ADAMTS6: variants seen among roughly 807,000 people sequenced by gnomAD.
The protein encoded by ADAMTS6 is ADAM metallopeptidase with thrombospondin type 1 motif 6.
ADAMTS6 carries 23 observed loss-of-function variants against 144.3 expected under a neutral mutation model. The ratio of observed to expected loss-of-function variants is 0.16; its 90% CI spans 0.11 to 0.23. The LOEUF (loss-of-function observed/expected upper bound fraction) is 0.23. ADAMTS6 is among the 10% of genes least tolerant of loss of function. ADAMTS6 has a pLI of 1.00. For missense variants in ADAMTS6, 999 were observed against 1,379.6 expected (o/e 0.72, Z 4.37); for synonymous variants, 444 against 457.5 (o/e 0.97, Z 0.38).
intron 12 of ADAMTS6, among the ~76,000 whole-genome samples, chr5:65,268,897 C>G (rs1163189595): frequency 1.3e-5 from 2 of 152,182 alleles, no homozygotes; most frequent in Admixed American, 1.3e-4. Flanking sequence ...ATCACTCGAG[C>G]AGTATTTCTA....
intron 9 of ADAMTS6, among the ~76,000 whole-genome samples, chr5:65,317,341 GGC>G (rs1745105420): frequency 6.6e-6 from 1 of 151,854 alleles, no homozygotes; most frequent in South Asian, 2.1e-4. Flanking sequence ...GCCCAACAAG[GGC>G]AGATATACTT....
chr5:65,338,215 A>C (rs1034024340), intron 7 of ADAMTS6, among the ~76,000 whole-genome samples: 9 of 152,268 alleles, frequency 5.9e-5, no homozygotes, highest in African/African-American at 2.2e-4. Flanking sequence ...TAACGGCTTC[A>C]GATGAAAAAG....
chr5:65,195,016 G>A (rs894986104), intron 21 of ADAMTS6, among the ~76,000 whole-genome samples: 1 of 152,168 alleles, frequency 6.6e-6, no homozygotes, highest in African/African-American at 2.4e-5. Flanking sequence ...AAAAAGCTTA[G>A]GCCAAAATGG....
chr5:65,194,257 A>G (rs908044323), intron 21 of ADAMTS6, among the ~76,000 whole-genome samples: 2 of 152,228 alleles, frequency 1.3e-5, no homozygotes, highest in African/African-American at 4.8e-5. Context: ...CACATTTAGT[A>G]GAAACTACTT....
intron 14 of ADAMTS6, among the ~76,000 whole-genome samples, chr5:65,259,566 G>T (rs1163212396): frequency 6.6e-6 from 1 of 152,168 alleles, no homozygotes; most frequent in Non-Finnish European, 1.5e-5. Context: ...AATCACCTGT[G>T]ACTTAACAAG....
At chr5:65,459,348 C>T (rs1367953008) in intron 4 of ADAMTS6, among the ~76,000 whole-genome samples, 1 of 152,110 alleles carries the variant, frequency 6.6e-6, no homozygotes, top group Non-Finnish European at 1.5e-5. Flanking sequence ...TTCTAGTGCA[C>T]GTAGGATAAA....
At chr5:65,185,980 C>T (rs1309539645) in intron 22 of ADAMTS6, among the ~76,000 whole-genome samples, 2 of 152,170 alleles carry the variant, frequency 1.3e-5, no homozygotes, top group Non-Finnish European at 2.9e-5. Context: ...AGAAATTTCT[C>T]AGAAGGCATT....
At chr5:65,286,703 T>G (rs888031887) in intron 11 of ADAMTS6, among the ~76,000 whole-genome samples, 1 of 152,186 alleles carries the variant, frequency 6.6e-6, no homozygotes, top group Non-Finnish European at 1.5e-5. Flanking sequence ...TAATTGAGAT[T>G]TGATTTAAGT....
rs534725186 is a variant in ADAMTS6 at position 65,303,571 on chromosome 5, AAATT to A, written c.1224-3444_1224-3441del. Among the ~76,000 whole-genome samples, 151 of 152,130 alleles carry A rather than the reference AAATT, an allele frequency of 9.9e-4. 1 individual carries two copies. The highest frequency in any genetic ancestry group is 3.5e-3 in the African/African-American group (146 of 41,580). ...AAATTTTCTTTCTGATCATAGAAAC[AAATT>A]AATAAACTTTCATATACATGTTTTT... On this transcript the variant is annotated intron_variant, in intron 9 of 24. Coordinates refer to ENST00000381055, the MANE Select transcript of ADAMTS6 (RefSeq NM_197941.4).
At chr5:65,186,655 A>AT in intron 22 of ADAMTS6, among the ~76,000 whole-genome samples, 1 of 152,364 alleles carries the variant, frequency 6.6e-6, no homozygotes, top group South Asian at 2.1e-4. Flanking sequence ...TTAGGAGTTA[A>AT]TGTATCCCGT....
intron 22 of ADAMTS6, among the ~76,000 whole-genome samples, chr5:65,180,186 AAGAC>A (rs1309047248): frequency 3.9e-5 from 6 of 152,196 alleles, no homozygotes; most frequent in African/African-American, 7.2e-5. Context: ...ATGTCATAGA[AAGAC>A]AGAAAAATAT....
intron 7 of ADAMTS6, among the ~76,000 whole-genome samples, chr5:65,426,781 A>G (rs1756573046): frequency 6.6e-6 from 1 of 152,128 alleles, no homozygotes; most frequent in South Asian, 2.1e-4. Context: ...ACATATGTCA[A>G]AAGAGACCCA....
intron 7 of ADAMTS6, among the ~76,000 whole-genome samples, chr5:65,436,516 A>T (rs1757418427): frequency 6.6e-6 from 1 of 152,000 alleles, no homozygotes; most frequent in Non-Finnish European, 1.5e-5. Flanking sequence ...TAAGAAAAAC[A>T]GCTGCAAGCT....
chr5:65,246,931 A>G (rs1189539211), intron 14 of ADAMTS6, among the ~76,000 whole-genome samples: 1 of 152,222 alleles, frequency 6.6e-6, no homozygotes, highest in African/African-American at 2.4e-5. Context: ...AATTACGTAA[A>G]ACACATTTTT....
chr5:65,403,638 A>G (rs1182711120), intron 7 of ADAMTS6, among the ~76,000 whole-genome samples: 1 of 152,172 alleles, frequency 6.6e-6, no homozygotes, highest in Non-Finnish European at 1.5e-5. Flanking sequence ...TTCCAAGTAC[A>G]TATTTAGAAT....
Position 65,224,325 on chromosome 5 carries a change from T to C in ADAMTS6, c.2267A>G (p.Tyr756Cys), listed in dbSNP as rs1167841150. ...AGCATACCAGTCTAACATACCAATATAGTTCTTTGACATGGCAACTTCTCT... is the reference window on the plus strand; with the variant it reads ...AGCATACCAGTCTAACATACCAATACAGTTCTTTGACATGGCAACTTCTCT... ...EVREVAMSKN[Y>C]IALKSEGDDY... The change falls in exon 18 of 25, where the codon TAT becomes TGT. Residue 756 changes from tyrosine (Y) to cysteine (C), a missense_variant. By Grantham distance (194) the Tyr-to-Cys change is radical (BLOSUM62 -2). This residue lies in a region of ADAMTS6 where 619 missense variants were observed against 837.0 expected (regional missense o/e 0.74). Coordinates refer to ENST00000381055, the MANE Select transcript of ADAMTS6 (RefSeq NM_197941.4). The C allele has an allele frequency of 6.2e-7, 1 of 1,613,746 alleles. No individual in the cohort carries two copies. Among genetic ancestry groups the C allele is most frequent in the Non-Finnish European group, 8.5e-7 (1 of 1,179,730 alleles).
chr5:65,185,162 G>A (rs947356203), intron 22 of ADAMTS6, among the ~76,000 whole-genome samples: 19 of 152,166 alleles, frequency 1.2e-4, no homozygotes, highest in Admixed American at 1.1e-3. Flanking sequence ...GGGAAGAACA[G>A]GCTCCTTGTT....
At chr5:65,296,348 T>C (rs1005111515) in intron 10 of ADAMTS6, among the ~76,000 whole-genome samples, 2 of 152,190 alleles carry the variant, frequency 1.3e-5, no homozygotes, top group African/African-American at 4.8e-5. Flanking sequence ...ATGTACTGCC[T>C]TCTAAGGCAA....
chr5:65,375,841 G>C (rs1401424087), intron 7 of ADAMTS6, among the ~76,000 whole-genome samples: 1 of 152,156 alleles, frequency 6.6e-6, no homozygotes, highest in Admixed American at 6.5e-5. Flanking sequence ...ATTCACAATA[G>C]CAAAGACTTG....
Sources: gnomAD v4.1 joint callset for allele counts (sites outside exome capture counted in the v4.1 genomes callset) on GRCh38, gnomAD v4.1.1 for gene constraint, gnomAD v4.1.1 regional missense constraint, MANE v1.5 for transcripts, NCBI Gene and HGNC (gene_info 2026-07-23, HGNC 2026-07-21) for gene names.